PDE3A: variants seen among roughly 807,000 people sequenced by gnomAD.
PDE3A encodes the protein cGMP-inhibited 3',5'-cyclic phosphodiesterase 3A.
Under a neutral mutation model 98.3 loss-of-function variants are expected in PDE3A, and 43 were observed. That is an observed-to-expected ratio of 0.44 (90% CI 0.34 to 0.56). The LOEUF is 0.56. PDE3A is among the 20% of genes least tolerant of loss of function. PDE3A has a pLI of 0.01. For missense variants in PDE3A, 1,427 were observed against 1,440.7 expected (o/e 0.99, Z 0.15); for synonymous variants, 663 against 567.9 (o/e 1.17, Z -2.38).
At chr12:20,665,725 G>T (rs1945290968) in intron 15 of PDE3A, among the ~76,000 whole-genome samples, 1 of 151,964 alleles carries the variant, frequency 6.6e-6, no homozygotes, top group African/African-American at 2.4e-5. Flanking sequence ...GTCTACACTT[G>T]ATTTTTTATA....
intron 1 of PDE3A, among the ~76,000 whole-genome samples, chr12:20,541,462 A>G (rs917091596): frequency 2.6e-5 from 4 of 151,988 alleles, no homozygotes; most frequent in Non-Finnish European, 5.9e-5. Context: ...ATTTGCTTGA[A>G]ATAGAAAAAA....
chr12:20,608,177 C>G (rs1017313479), intron 2 of PDE3A, among the ~76,000 whole-genome samples: 2 of 152,170 alleles, frequency 1.3e-5, no homozygotes, highest in Admixed American at 6.5e-5. Flanking sequence ...TTCACCATTT[C>G]ATGTGTGGTT....
At chr12:20,388,226 A>G (rs964683208) in intron 1 of PDE3A, among the ~76,000 whole-genome samples, 1 of 151,924 alleles carries the variant, frequency 6.6e-6, no homozygotes, top group Non-Finnish European at 1.5e-5. Context: ...TGGAAGTAAA[A>G]TCCTTTTGCA....
At chr12:20,601,756 C>CT (rs1021114270) in intron 2 of PDE3A, among the ~76,000 whole-genome samples, 72 of 137,294 alleles carry the variant, frequency 5.2e-4, no homozygotes, top group African/African-American at 1.7e-3. Context: ...GTAAGTTATT[C>CT]TTTTTTAGCT....
At chr12:20,602,213 T>C (rs1943609394) in intron 2 of PDE3A, among the ~76,000 whole-genome samples, 1 of 152,218 alleles carries the variant, frequency 6.6e-6, no homozygotes, top group African/African-American at 2.4e-5. Flanking sequence ...GAATTTATTA[T>C]ATCTTTGCCA....
chr12:20,547,095 C>A (rs1025960377), intron 1 of PDE3A, among the ~76,000 whole-genome samples: 1 of 152,092 alleles, frequency 6.6e-6, no homozygotes, highest in Non-Finnish European at 1.5e-5. Flanking sequence ...TTTCCTCTGT[C>A]TGGCATGCAT....
intron 1 of PDE3A, among the ~76,000 whole-genome samples, chr12:20,407,395 A>C (rs543330558): frequency 6.6e-6 from 1 of 152,368 alleles, no homozygotes; most frequent in South Asian, 2.1e-4. Flanking sequence ...CAACTGAATA[A>C]ATTCTAATTG....
chr12:20,562,221 T>C (rs1413885255), intron 2 of PDE3A, among the ~76,000 whole-genome samples: 5 of 3,228 alleles, frequency 1.5e-3, no homozygotes, highest in Non-Finnish European at 2.7e-3. Context: ...AAAATATGCT[T>C]TTTTTTTTTT....
At chr12:20,375,231 G>A (rs189159500) in intron 1 of PDE3A, among the ~76,000 whole-genome samples, 59 of 152,028 alleles carry the variant, frequency 3.9e-4, no homozygotes, top group Non-Finnish European at 8.1e-4. Context: ...CTAAAGATGT[G>A]TTCCATTAAT....
chr12:20,370,709 T>C (rs1446710891), intron 1 of PDE3A, among the ~76,000 whole-genome samples: 3 of 152,246 alleles, frequency 2.0e-5, no homozygotes, highest in African/African-American at 7.2e-5. Context: ...TGAAATGATA[T>C]TAAACATTTA....
intron 2 of PDE3A, among the ~76,000 whole-genome samples, chr12:20,569,213 T>A: frequency 6.6e-6 from 1 of 152,096 alleles, no homozygotes; most frequent in East Asian, 1.9e-4. Flanking sequence ...TTTTAAAAAA[T>A]CATCCCTATG....
Position 20,400,407 on chromosome 12 carries a change from T to G in PDE3A, c.960+30163T>G, listed in dbSNP as rs1296942419. Among the ~76,000 whole-genome samples, 245 of 103,870 alleles carry G rather than the reference T, an allele frequency of 2.4e-3. 3 individuals carry two copies. Among genetic ancestry groups the G allele is most frequent in the African/African-American group, 8.1e-3 (217 of 26,846 alleles). 68.1% of individuals were successfully genotyped at this position (103,870 alleles called of 152,430 possible). A position where few individuals can be genotyped will look rare whatever the true frequency, so the allele number is the denominator to read the frequency against. On this transcript the variant is annotated intron_variant, in intron 1 of 15. Transcript: ENST00000359062. ...TTTTTTTTTTTTTTTTTTTTTTTTT[T>G]TTTTTTTTTTTTTTTTTGAGATGGA...
intron 15 of PDE3A, among the ~76,000 whole-genome samples, chr12:20,668,495 G>C (rs1936684749): frequency 6.6e-6 from 1 of 152,136 alleles, no homozygotes; most frequent in Admixed American, 6.5e-5. Flanking sequence ...CATGCAGCTG[G>C]AGATCTGAGA....
At chr12:20,503,943 A>G (rs1178145427) in intron 1 of PDE3A, among the ~76,000 whole-genome samples, 1 of 152,112 alleles carries the variant, frequency 6.6e-6, no homozygotes, top group Admixed American at 6.6e-5. Flanking sequence ...TACCATGACA[A>G]CTGACTGTCT....
chr12:20,595,420 T>C (rs1349368508), intron 2 of PDE3A, among the ~76,000 whole-genome samples: 2 of 152,160 alleles, frequency 1.3e-5, no homozygotes, highest in Non-Finnish European at 2.9e-5. Context: ...GAGTCAATCA[T>C]GATAGCCACT....
chr12:20,665,954 CATTTCT>C (rs1341963711), intron 15 of PDE3A, among the ~76,000 whole-genome samples: 3 of 135,940 alleles, frequency 2.2e-5, no homozygotes, highest in African/African-American at 8.3e-5. Flanking sequence ...GAGTATTTGT[CATTTCT>C]TTTTTTTTTT....
At chr12:20,419,573 CAA>C (rs1436542164) in intron 1 of PDE3A, among the ~76,000 whole-genome samples, 1 of 151,642 alleles carries the variant, frequency 6.6e-6, no homozygotes, top group East Asian at 1.9e-4. Flanking sequence ...AAAATAAAGT[CAA>C]GATATGTTGC....
chr12:20,525,543 T>C (rs1420751841), intron 1 of PDE3A, among the ~76,000 whole-genome samples: 4 of 152,188 alleles, frequency 2.6e-5, no homozygotes, highest in Middle Eastern at 3.4e-3. Context: ...GATGCTTTCA[T>C]TGAAGCAACA....
intron 2 of PDE3A, among the ~76,000 whole-genome samples, chr12:20,591,996 A>G (rs1592089320): frequency 6.6e-6 from 1 of 152,230 alleles, no homozygotes; most frequent in Non-Finnish European, 1.5e-5. Flanking sequence ...AGTAAAATAC[A>G]TGGTCTAACT....
Sources: allele counts gnomAD v4.1 joint callset (sites outside exome capture counted in the v4.1 genomes callset), GRCh38; gene constraint gnomAD v4.1.1; transcripts MANE v1.5; gene names NCBI Gene and HGNC (gene_info 2026-07-23, HGNC 2026-07-21).